CTNND2: variants seen among roughly 807,000 people sequenced by gnomAD.
The protein encoded by CTNND2 is catenin delta-2.
CTNND2 carries 22 observed loss-of-function variants against 144.4 expected under a neutral mutation model. The observed-to-expected ratio is 0.15, with a 90% CI of 0.11 to 0.22. The LOEUF (loss-of-function observed/expected upper bound fraction) is 0.22, where lower values mean the gene tolerates loss of function less well. Among genes scored for constraint, CTNND2 ranks in the 10% least tolerant of loss-of-function variants. The pLI is 1.00. For synonymous variants in CTNND2, 751 were observed against 695.6 expected, an observed-to-expected ratio of 1.08 and a Z score of -1.25; for missense variants, 1,353 against 1,618.8, an observed-to-expected ratio of 0.84 and a Z score of 2.82.
At chr5:11,591,395 TAAC>T (rs1159984399) in intron 2 of CTNND2, among the ~76,000 whole-genome samples, 1 of 152,192 alleles carries the variant, frequency 6.6e-6, no homozygotes, top group East Asian at 1.9e-4. Context: ...ATTGTAAAAA[TAAC>T]AACCCATACA....
chr5:11,326,093 T>A (rs1465031164), intron 9 of CTNND2, among the ~76,000 whole-genome samples: 1 of 152,186 alleles, frequency 6.6e-6, no homozygotes, highest in Non-Finnish European at 1.5e-5. Flanking sequence ...GCTGAATATG[T>A]ACACCAAGCC....
intron 9 of CTNND2, among the ~76,000 whole-genome samples, chr5:11,316,081 C>T (rs1751442860): frequency 6.6e-6 from 1 of 152,046 alleles, no homozygotes; most frequent in South Asian, 2.1e-4. Context: ...TGATTCCAGA[C>T]CTAAATAAAA....
intron 9 of CTNND2, among the ~76,000 whole-genome samples, chr5:11,260,438 A>G (rs1316245675): frequency 1.3e-5 from 2 of 152,358 alleles, no homozygotes; most frequent in Middle Eastern, 6.8e-3. Context: ...CAATGAAAAA[A>G]AACCAGTAAA....
intron 3 of CTNND2, among the ~76,000 whole-genome samples, chr5:11,448,840 GT>G (rs766443180): frequency 6.9e-6 from 1 of 145,632 alleles, no homozygotes; most frequent in East Asian, 2.0e-4. Context: ...GGCTTTTTGT[GT>G]TTTTTTTTGC....
Position 11,384,565 on chromosome 5 carries a change from G to A in CTNND2, c.1177+100C>T. 8.8e-7 allele frequency: 1 copy of A among 1,141,214 alleles called. No individual in the cohort carries two copies. The highest frequency in any genetic ancestry group is 1.6e-5 in the African/African-American group (1 of 63,718). The allele number at this position is 1,141,214 out of a possible 1,614,324, so 70.7% of individuals were successfully genotyped here. A position where few individuals can be genotyped will look rare whatever the true frequency, so the allele number is the denominator to read the frequency against. ...CTCCTGCAACTACTACAACCTGGCAGACAGCGCGCCCGGCTTCGCTTCTGC... is the reference window on the plus strand; with the variant it reads ...CTCCTGCAACTACTACAACCTGGCAAACAGCGCGCCCGGCTTCGCTTCTGC... On this transcript the variant is annotated intron_variant, in intron 7 of 21. Transcript: ENST00000304623. The surrounding 1 kb of genome is among the most constrained non-coding windows in gnomAD (Gnocchi z 5.2).
chr5:11,708,079 C>T lies in CTNND2; in HGVS notation c.174+24057G>A, dbSNP rs142126640. Among the ~76,000 whole-genome samples, 155 of 150,916 alleles carry T rather than the reference C, an allele frequency of 1.0e-3. 1 individual carries two copies. Among genetic ancestry groups the T allele is most frequent in the African/African-American group, 3.5e-3 (145 of 41,074 alleles). The stretch of plus-strand genomic sequence containing the variant: ...TTTTTTTTTTTGAGATAGGGTCTCA[C>T]TCTGTCACTCAGGTTGGAGTTCAGT... On this transcript the variant is annotated intron_variant, in intron 2 of 21. Coordinates refer to ENST00000304623, the MANE Select transcript of CTNND2 (RefSeq NM_001332.4).
At chr5:10,981,956 C>T in intron 20 of CTNND2, 110 bp from the exon 21 acceptor site, 1 of 824,482 alleles carries the variant, frequency 1.2e-6, no homozygotes, top group African/African-American at 1.7e-5. Context: ...TTCTTGGGGA[C>T]CATTCCAAGT....
At chr5:11,800,825 T>C (rs10035352) in intron 1 of CTNND2, among the ~76,000 whole-genome samples, 10,305 of 152,246 alleles carry the variant, frequency 0.068, 1,011 homozygotes, top group African/African-American at 0.22. Flanking sequence ...AAAGATAAAG[T>C]AATAGATACT....
At chr5:11,395,593 A>G (rs942551598) in intron 6 of CTNND2, among the ~76,000 whole-genome samples, 2 of 152,236 alleles carry the variant, frequency 1.3e-5, no homozygotes, top group Non-Finnish European at 2.9e-5. Flanking sequence ...ATTAAACTTT[A>G]AAGCAACTTT....
intron 15 of CTNND2, among the ~76,000 whole-genome samples, chr5:11,090,896 A>G (rs2973513): frequency 0.15 from 22,218 of 151,542 alleles, 2,026 homozygotes; most frequent in African/African-American, 0.26. Context: ...CTTATCTTGT[A>G]TGGAACATGT....
chr5:10,974,969 A>C (rs917883256), intron 21 of CTNND2, among the ~76,000 whole-genome samples: 15 of 152,214 alleles, frequency 9.9e-5, no homozygotes, highest in African/African-American at 3.6e-4. Flanking sequence ...GCAGCTGTCT[A>C]GGATGTCCCA....
chr5:11,637,116 T>G (rs78076934), intron 2 of CTNND2, among the ~76,000 whole-genome samples: 4,162 of 152,262 alleles, frequency 0.027, 166 homozygotes, highest in African/African-American at 0.094. Context: ...TATAGAAGTT[T>G]ATATATTTTT....
At position 11,456,556 on chromosome 5, in the gene CTNND2, A is replaced by G. The variant is rs372488888; in HGVS notation, c.288-44487T>C. On this transcript the variant is annotated intron_variant, in intron 3 of 21. Transcript: ENST00000304623. ...CACACATCTATATTTCAACCCCAATACCTGGGAAGGTTGCCTCAAACATGT... is the reference window on the plus strand; with the variant it reads ...CACACATCTATATTTCAACCCCAATGCCTGGGAAGGTTGCCTCAAACATGT... Among the ~76,000 whole-genome samples, 32 of 151,948 alleles carry G rather than the reference A, an allele frequency of 2.1e-4. No homozygotes were observed. In the East Asian group the frequency reaches 2.3e-3, roughly 11 times the overall value.
At chr5:11,303,836 T>G (rs1021434977) in intron 9 of CTNND2, among the ~76,000 whole-genome samples, 7 of 152,182 alleles carry the variant, frequency 4.6e-5, no homozygotes, top group African/African-American at 1.7e-4. Context: ...AAATCTCATC[T>G]TGAATTGTAG....
chr5:11,054,116 G>T (rs1338065304), intron 16 of CTNND2, among the ~76,000 whole-genome samples: 1 of 152,136 alleles, frequency 6.6e-6, no homozygotes, highest in African/African-American at 2.4e-5. Context: ...CTTTGCTTGG[G>T]AGCCTCCAAG....
At chr5:11,472,862 T>C (rs999088224) in intron 3 of CTNND2, among the ~76,000 whole-genome samples, 3 of 152,302 alleles carry the variant, frequency 2.0e-5, no homozygotes, top group Middle Eastern at 3.4e-3. Flanking sequence ...TGTTTCCTAG[T>C]CTCGTCTAAG....
intron 9 of CTNND2, among the ~76,000 whole-genome samples, chr5:11,319,170 G>C (rs912235429): frequency 6.6e-6 from 1 of 151,904 alleles, no homozygotes; most frequent in African/African-American, 2.4e-5. Context: ...ATTTTCTGTA[G>C]AACCTTCTAT....
intron 1 of CTNND2, among the ~76,000 whole-genome samples, chr5:11,814,199 C>T (rs1035884041): frequency 3.3e-5 from 5 of 152,138 alleles, no homozygotes; most frequent in Non-Finnish European, 1.5e-5. Context: ...TAAATCATGC[C>T]AATGTAGATT....
intron 16 of CTNND2, among the ~76,000 whole-genome samples, chr5:11,036,263 T>C (rs1381816761): frequency 6.6e-6 from 1 of 152,182 alleles, no homozygotes; most frequent in East Asian, 1.9e-4. Context: ...GAGTTCCTAA[T>C]AACTTCTTTA....
Sources: allele counts gnomAD v4.1 joint callset (sites outside exome capture counted in the v4.1 genomes callset), GRCh38; gene constraint gnomAD v4.1.1; non-coding constraint Gnocchi (gnomAD v3.1); transcripts MANE v1.5; gene names NCBI Gene and HGNC (gene_info 2026-07-23, HGNC 2026-07-21).